Variants in SI observed in about 807,000 individuals in gnomAD.
SI encodes the protein sucrase-isomaltase, intestinal.
SI carries 235 observed loss-of-function variants against 253.3 expected under a neutral mutation model. That is an observed-to-expected ratio of 0.93 (90% confidence interval 0.83 to 1.03). The LOEUF (loss-of-function observed/expected upper bound fraction) is 1.03. SI is among the 50% of genes least tolerant of loss of function. The pLI is 0.00. For synonymous variants in SI, 819 were observed against 712.0 expected (o/e 1.15, Z -2.39); for missense variants, 2,442 against 2,211.1 (o/e 1.10, Z -2.09).
chr3:164,989,088 T>TAATA (rs143651827), intron 44 of SI, among the ~76,000 whole-genome samples: 14,989 of 148,312 alleles, frequency 0.1, 2,621 homozygotes, highest in African/African-American at 0.36. Flanking sequence ...AGTATAATAA[T>TAATA]AATAAATAAA....
intron 25 of SI, among the ~76,000 whole-genome samples, chr3:165,024,026 AT>A (rs1468316606): frequency 3.3e-5 from 5 of 151,478 alleles, no homozygotes; most frequent in African/African-American, 9.7e-5. Flanking sequence ...AATGTCATAC[AT>A]TTTTTAACTC....
At chr3:165,080,217 A>G (rs1715258290), upstream of SI, among the ~76,000 whole-genome samples, 1 of 152,042 alleles carries the variant, frequency 6.6e-6, no homozygotes, top group South Asian at 2.1e-4. Context: ...GTTCTCTGAT[A>G]GATTCAAGAG....
chr3:164,994,468 A>C (rs1424034721), intron 40 of SI, 63 bp from the exon 41 acceptor site: 1 of 1,545,562 alleles, frequency 6.5e-7, no homozygotes, highest in Non-Finnish European at 8.9e-7. Flanking sequence ...TAATATTCAT[A>C]TTCATATTTG....
intron 3 of SI, among the ~76,000 whole-genome samples, chr3:165,070,364 A>ATATGTG (rs1553778791): frequency 1.4e-5 from 2 of 139,724 alleles, no homozygotes; most frequent in African/African-American, 5.3e-5. Flanking sequence ...ATATATATAT[A>ATATGTG]TGTGTGTGTG....
Position 165,062,473 on chromosome 3 carries a change from G to C in SI, c.918C>G (p.Ile306Met). Residue 306 changes from isoleucine to methionine, a missense_variant, in exon 9 of 48, where the codon ATC becomes ATG. Coordinates refer to ENST00000264382, the MANE Select transcript of SI (RefSeq NM_001041.4). ...LMNSNAMEIF[I>M]QPTPIVTYRV... The stretch of plus-strand genomic sequence containing the variant: ...TATATGTTACTATTGGAGTAGGCTG[G>C]ATAAAAATCTCTGCAAAATAAAATT... The C allele has an allele frequency of 1.9e-6, 3 of 1,573,594 alleles. No individual in the cohort carries two copies. The highest frequency in any genetic ancestry group is 1.7e-6 in the Non-Finnish European group (2 of 1,144,252).
chr3:164,994,463 T>A, intron 40 of SI, 58 bp from the exon 41 acceptor site: 1 of 1,546,428 alleles, frequency 6.5e-7, no homozygotes, highest in Non-Finnish European at 8.9e-7. Flanking sequence ...AGTCATAATA[T>A]TCATATTCAT....
rs1414148566 is a variant in SI at position 165,007,313 on chromosome 3, C to T, written c.4268-359G>A. On this transcript the variant is annotated intron_variant, in intron 36 of 47. Coordinates refer to ENST00000264382, the MANE Select transcript of SI (RefSeq NM_001041.4). ...TGTTATAACACTGCCTTTTGATCCA[C>T]ATTTTCTCAGTTTAAGATTTTTTTC... Among the ~76,000 whole-genome samples, 7 of 152,166 alleles carry T rather than the reference C, an allele frequency of 4.6e-5. No individual in the cohort carries two copies. In the South Asian group the frequency reaches 1.0e-3, roughly 23 times the overall value.
chr3:165,031,119 C>T lies in SI; in HGVS notation c.2737-252G>A, dbSNP rs374174473. 1.9e-4 allele frequency among the ~76,000 whole-genome samples: 28 copies of T among 149,244 alleles called. No individual in the cohort carries two copies. In the South Asian group the frequency reaches 5.8e-3, roughly 31 times the overall value. ...TACATATATGTACATATGTCACACACATAGAATTATGTCTATAATTGGGAT... is the reference window on the plus strand; with the variant it reads ...TACATATATGTACATATGTCACACATATAGAATTATGTCTATAATTGGGAT... On this transcript the variant is annotated intron_variant, in intron 24 of 47. Transcript: ENST00000264382.
intron 24 of SI, among the ~76,000 whole-genome samples, chr3:165,032,085 A>AATGTAT (rs1712275612): frequency 6.6e-6 from 1 of 151,336 alleles, no homozygotes; most frequent in Non-Finnish European, 1.5e-5. Flanking sequence ...TATTTTGAGG[A>AATGTAT]CAATGAGACC....
chr3:164,987,334 G>A (rs1016614653), intron 44 of SI, 108 bp from the exon 45 acceptor site: 5 of 862,794 alleles, frequency 5.8e-6, no homozygotes, highest in African/African-American at 1.7e-5. Flanking sequence ...ATTAAGGAGT[G>A]TGCAAACTGA....
At chr3:165,012,310 A>C (rs1718810230) in intron 34 of SI, among the ~76,000 whole-genome samples, 1 of 152,218 alleles carries the variant, frequency 6.6e-6, no homozygotes, top group Non-Finnish European at 1.5e-5. Flanking sequence ...TAAATTCTAG[A>C]GATCTGCAGC....
intron 3 of SI, among the ~76,000 whole-genome samples, chr3:165,070,332 T>C (rs1286903468): frequency 8.0e-6 from 1 of 124,264 alleles, no homozygotes; most frequent in Non-Finnish European, 1.7e-5. Flanking sequence ...ATATATAAAA[T>C]CTCTCTAAAC....
intron 26 of SI, among the ~76,000 whole-genome samples, chr3:165,022,419 A>T (rs1711670004): frequency 7.8e-6 from 1 of 128,692 alleles, no homozygotes; most frequent in Non-Finnish European, 1.7e-5. Context: ...ATTTTATTTT[A>T]GCATATGATT....
At chr3:165,066,493 A>T (rs1316727338) in intron 6 of SI, among the ~76,000 whole-genome samples, 1 of 151,916 alleles carries the variant, frequency 6.6e-6, no homozygotes, top group Non-Finnish European at 1.5e-5. Context: ...ATATTAAATT[A>T]TTATTTTATT....
At chr3:165,038,969 C>T (rs1712676529) in intron 20 of SI, 109 bp downstream of exon 20, 1 of 660,806 alleles carries the variant, frequency 1.5e-6, no homozygotes, top group Non-Finnish European at 2.6e-6. Context: ...GACAGAAATT[C>T]TAAAAATATG....
rs368015243 is a variant in SI, at chr3:165,028,868, CA to C, written c.2892+1843del. ...ATAGCATTCTAGAAATTGTCTCAGG[CA>C]AGGATTTGATGACCAAAAACAAAAG... On this transcript the variant is annotated intron_variant, in intron 25 of 47. Transcript: ENST00000264382. Among the ~76,000 whole-genome samples, 870 of 151,034 alleles carry C rather than the reference CA, an allele frequency of 5.8e-3. 4 individuals are homozygous for C. Among genetic ancestry groups the C allele is most frequent in the Middle Eastern group, 0.017 (5 of 294 alleles).
At chr3:165,050,296 ACCAACAGCT>A (rs1713361265) in intron 13 of SI, among the ~76,000 whole-genome samples, 1 of 152,114 alleles carries the variant, frequency 6.6e-6, no homozygotes, top group African/African-American at 2.4e-5. Flanking sequence ...AAATTTGCCT[ACCAACAGCT>A]CCTATACACT....
intron 12 of SI, among the ~76,000 whole-genome samples, chr3:165,057,870 A>T (rs368170692): frequency 3.2e-4 from 48 of 152,080 alleles, no homozygotes; most frequent in African/African-American, 1.1e-3. Flanking sequence ...CATTGTACAG[A>T]TCATCCAGAC....
At chr3:165,029,632 T>TTA (rs539892327) in intron 25 of SI, among the ~76,000 whole-genome samples, 2,944 of 91,292 alleles carry the variant, frequency 0.032, 53 homozygotes, top group Non-Finnish European at 0.056. Flanking sequence ...AACATTAGCC[T>TTA]TATATATATA....
Sources: allele counts gnomAD v4.1 joint callset (sites outside exome capture counted in the v4.1 genomes callset), GRCh38; gene constraint gnomAD v4.1.1; transcripts MANE v1.5; gene names NCBI Gene and HGNC (gene_info 2026-07-23, HGNC 2026-07-21).